Variants in PPA2 observed in about 807,000 individuals in gnomAD.
The protein encoded by PPA2 is inorganic pyrophosphatase 2, also known as inorganic pyrophosphatase 2, mitochondrial.
Under a neutral mutation model 49.5 loss-of-function variants are expected in PPA2, and 48 were observed. The ratio of observed to expected loss-of-function variants is 0.97; its 90% CI spans 0.77 to 1.23. PPA2 has a LOEUF of 1.23. Ranked by LOEUF, PPA2 falls within the 50% of genes most tolerant of loss-of-function variation. PPA2 has a pLI of 0.00. For synonymous variants in PPA2, 131 were observed against 139.9 expected, an observed-to-expected ratio of 0.94 and a Z score of 0.45; for missense variants, 429 against 410.1, an observed-to-expected ratio of 1.05 and a Z score of -0.40.
intron 1 of PPA2, among the ~76,000 whole-genome samples, chr4:105,464,524 A>G (rs1030337778): frequency 3.3e-5 from 5 of 152,172 alleles, no homozygotes; most frequent in Non-Finnish European, 7.3e-5. Context: ...ATGTGAGGAC[A>G]TGAGATTTGA....
intron 6 of PPA2, among the ~76,000 whole-genome samples, chr4:105,437,054 T>C (rs556544392): frequency 6.6e-5 from 10 of 152,178 alleles, no homozygotes; most frequent in Admixed American, 3.9e-4. Flanking sequence ...AGAAAAAATC[T>C]GCAAAGTATG....
intron 1 of PPA2, among the ~76,000 whole-genome samples, chr4:105,471,252 C>T (rs1334238596): frequency 6.6e-6 from 1 of 152,158 alleles, no homozygotes; most frequent in African/African-American, 2.4e-5. Context: ...GAAGTGACAG[C>T]AAGATACTAA....
intron 9 of PPA2, among the ~76,000 whole-genome samples, chr4:105,392,051 C>A (rs527398543): frequency 8.6e-5 from 13 of 151,938 alleles, no homozygotes; most frequent in Non-Finnish European, 1.9e-4. Flanking sequence ...AAGTAGTAAA[C>A]AGAATAGTAC....
At position 105,386,417 on chromosome 4, in the gene PPA2, G is replaced by A. The variant is rs987977472; in HGVS notation, c.939+150C>T. 1.2e-5 allele frequency: 7 copies of A among 582,648 alleles called. No individual in the cohort carries two copies. In the South Asian group the frequency reaches 2.8e-4, roughly 23 times the overall value. The allele number at this position is 582,648 out of a possible 1,614,324, so 36.1% of individuals were successfully genotyped here. On this transcript the variant is annotated intron_variant, in intron 10 of 11. Transcript: ENST00000341695. ...TTAAAATTCTTAATTTAAATTCCTT[G>A]AATTACAGAAATAGATTTCAAGGTG... is the stretch of plus-strand genomic sequence containing the variant.
chr4:105,459,203 C>T lies in PPA2; in HGVS notation c.158-2458G>A, dbSNP rs80043816. 6.8e-3 allele frequency among the ~76,000 whole-genome samples: 1,039 copies of T among 152,146 alleles called. 14 individuals are homozygous for T. The highest frequency in any genetic ancestry group is 0.024 in the African/African-American group (979 of 41,492). On this transcript the variant is annotated intron_variant, in intron 1 of 11. Transcript: ENST00000341695. ...GTAAGGATAAAAATGAGAAAGAGCACACAAATGGCAAGTACATAAAACTTT... is the reference window on the plus strand; with the variant it reads ...GTAAGGATAAAAATGAGAAAGAGCATACAAATGGCAAGTACATAAAACTTT...
intron 7 of PPA2, among the ~76,000 whole-genome samples, chr4:105,408,533 A>G (rs1722593638): frequency 6.6e-6 from 1 of 152,228 alleles, no homozygotes; most frequent in Non-Finnish European, 1.5e-5. Context: ...AGTTTAACAC[A>G]ATAGGAAGAA....
intron 1 of PPA2, among the ~76,000 whole-genome samples, chr4:105,460,475 A>T (rs1253223325): frequency 6.6e-6 from 1 of 152,224 alleles, no homozygotes; most frequent in Non-Finnish European, 1.5e-5. Flanking sequence ...ACAGAGGGAC[A>T]ACTGTAATGT....
At chr4:105,407,891 G>A (rs1303835890) in intron 7 of PPA2, among the ~76,000 whole-genome samples, 2 of 152,228 alleles carry the variant, frequency 1.3e-5, no homozygotes, top group African/African-American at 2.4e-5. Context: ...GGGGGTGATG[G>A]AAATGTTTTG....
intron 5 of PPA2, among the ~76,000 whole-genome samples, chr4:105,445,237 C>A (rs1724554049): frequency 6.6e-6 from 1 of 152,190 alleles, no homozygotes; most frequent in African/African-American, 2.4e-5. Context: ...GCTTCTTCAG[C>A]ATTACCCTCA....
At chr4:105,403,174 C>A (rs1032188341) in intron 7 of PPA2, among the ~76,000 whole-genome samples, 4 of 152,076 alleles carry the variant, frequency 2.6e-5, no homozygotes, top group African/African-American at 9.7e-5. Flanking sequence ...CAAGTGTGCA[C>A]CACCATGCTT....
chr4:105,422,491 C>T (rs111779232), intron 7 of PPA2, among the ~76,000 whole-genome samples: 2,741 of 151,292 alleles, frequency 0.018, 68 homozygotes, highest in African/African-American at 0.052. Flanking sequence ...CTAACACTTA[C>T]GAAACTCAAG....
rs11429892 is a variant in PPA2 at position 105,442,006 on chromosome 4, C to CTT, written c.442-3972_442-3971dup. Among the ~76,000 whole-genome samples the CTT allele has an allele frequency of 4.8e-4, 69 of 144,032 alleles. 1 individual carries two copies. The East Asian group carries it at 5.3e-3, about 11-fold the overall frequency. The allele number at this position is 144,032 out of a possible 152,430, so 94.5% of individuals were successfully genotyped here. A position where few individuals can be genotyped will look rare whatever the true frequency, so the allele number is the denominator to read the frequency against. The stretch of plus-strand genomic sequence containing the variant: ...ACCTTTGACTTTCCCACTACCATCA[C>CTT]TTTTTTTTTTTTTTTTAAGAGAGGG... On this transcript the variant is annotated intron_variant, in intron 5 of 11. Transcript: ENST00000341695.
rs1722957006 is a variant in PPA2, at chr4:105,415,330, C to A, written c.655+8866G>T. Among the ~76,000 whole-genome samples, 6 of 152,364 alleles carry A rather than the reference C, an allele frequency of 3.9e-5. No individual in the cohort carries two copies. In the South Asian group the frequency reaches 1.2e-3, roughly 32 times the overall value. On this transcript the variant is annotated intron_variant, in intron 7 of 11. Transcript: ENST00000341695. Reference sequence around the variant, plus strand: ...GCGGCACCTACAGGCCTGCACCAAGCCACCCTCAGCACCTCTTTGGCCTCC... The same window carrying A: ...GCGGCACCTACAGGCCTGCACCAAGACACCCTCAGCACCTCTTTGGCCTCC...
intron 7 of PPA2, among the ~76,000 whole-genome samples, chr4:105,413,953 T>C (rs1578835688): frequency 6.6e-6 from 1 of 152,346 alleles, no homozygotes; most frequent in African/African-American, 2.4e-5. Flanking sequence ...ATAGAATGTC[T>C]GCAACCTAAA....
chr4:105,432,134 G>C (rs963969864), intron 6 of PPA2, among the ~76,000 whole-genome samples: 7 of 152,158 alleles, frequency 4.6e-5, no homozygotes, highest in Non-Finnish European at 8.8e-5. Context: ...TTTTGATGAT[G>C]GTGGAGGTTG....
At chr4:105,440,371 C>T (rs1020786603) in intron 5 of PPA2, among the ~76,000 whole-genome samples, 5 of 152,130 alleles carry the variant, frequency 3.3e-5, no homozygotes, top group Admixed American at 2.6e-4. Context: ...AAGCGATTCT[C>T]CCGCCTCAGC....
intron 6 of PPA2, among the ~76,000 whole-genome samples, chr4:105,430,036 T>G (rs954269009): frequency 6.6e-6 from 1 of 152,250 alleles, no homozygotes; most frequent in African/African-American, 2.4e-5. Flanking sequence ...ATATATCCTT[T>G]TACTTTTAAA....
intron 7 of PPA2, among the ~76,000 whole-genome samples, chr4:105,400,803 A>C (rs1734333925): frequency 6.6e-6 from 1 of 152,156 alleles, no homozygotes; most frequent in Admixed American, 6.6e-5. Flanking sequence ...TATCTACCTC[A>C]GTCTAGGAGG....
At chr4:105,379,061 T>G (rs563150976) in intron 10 of PPA2, among the ~76,000 whole-genome samples, 1 of 152,230 alleles carries the variant, frequency 6.6e-6, no homozygotes, top group African/African-American at 2.4e-5. Context: ...TTGGACTGAA[T>G]CTATATATCA....
Sources: gnomAD v4.1 joint callset for allele counts (sites outside exome capture counted in the v4.1 genomes callset) on GRCh38, gnomAD v4.1.1 for gene constraint, MANE v1.5 for transcripts, NCBI Gene and HGNC (gene_info 2026-07-23, HGNC 2026-07-21) for gene names.